The following AUTS2 variants were observed in gnomAD, a reference collection of about 807,000 sequenced individuals.
AUTS2 encodes activator of transcription and developmental regulator AUTS2.
In AUTS2, 17 loss-of-function variants were observed where a neutral mutation model predicts 112.4. The ratio of observed to expected loss-of-function variants is 0.15; its 90% confidence interval spans 0.10 to 0.23. AUTS2 has a LOEUF of 0.23. AUTS2 is among the 10% of genes least tolerant of loss of function. The pLI is 1.00. For missense variants in AUTS2, 1,510 were observed against 1,701.6 expected (o/e 0.89, Z 1.98); for synonymous variants, 751 against 702.7 (o/e 1.07, Z -1.09).
intron 5 of AUTS2, among the ~76,000 whole-genome samples, chr7:70,500,524 C>T (rs745475347): frequency 5.3e-5 from 8 of 152,142 alleles, no homozygotes; most frequent in Non-Finnish European, 1.2e-4. Context: ...TCACATGTGG[C>T]TTTCCTCAAG....
intron 13 of AUTS2, chr7:70,776,812 A>G: frequency 2.3e-6 from 1 of 444,338 alleles, no homozygotes; most frequent in Non-Finnish European, 4.1e-6. Context: ...GAGAAGAGGC[A>G]CAGAGTGGGA....
At chr7:69,725,722 A>G (rs1786477447) in intron 1 of AUTS2, among the ~76,000 whole-genome samples, 1 of 152,158 alleles carries the variant, frequency 6.6e-6, no homozygotes, top group East Asian at 1.9e-4. Context: ...AGGGGAAGGT[A>G]TGCTGGTAAA....
intron 4 of AUTS2, among the ~76,000 whole-genome samples, chr7:70,308,214 G>A (rs1309868051): frequency 6.6e-6 from 1 of 152,192 alleles, no homozygotes; most frequent in Non-Finnish European, 1.5e-5. Flanking sequence ...TGAAGGAAGA[G>A]GAAAGAGATA....
intron 2 of AUTS2, among the ~76,000 whole-genome samples, chr7:69,926,130 C>A (rs1436868444): frequency 4.6e-5 from 7 of 152,166 alleles, no homozygotes; most frequent in Admixed American, 4.6e-4. Flanking sequence ...ACGTAATTTT[C>A]TTCTGTAGTT....
chr7:69,834,194 G>A (rs1053323191), intron 1 of AUTS2, among the ~76,000 whole-genome samples: 7 of 152,078 alleles, frequency 4.6e-5, no homozygotes, highest in South Asian at 2.1e-4. Flanking sequence ...ATTGTAGGTC[G>A]TTTTCTGTGG....
intron 1 of AUTS2, among the ~76,000 whole-genome samples, chr7:69,844,013 T>C (rs948807985): frequency 5.3e-5 from 8 of 152,132 alleles, no homozygotes; most frequent in Non-Finnish European, 1.0e-4. Flanking sequence ...GTGATAGAAA[T>C]AAATAAGGAA....
At chr7:70,579,438 T>C (rs1381785720) in intron 5 of AUTS2, among the ~76,000 whole-genome samples, 1 of 152,084 alleles carries the variant, frequency 6.6e-6, no homozygotes, top group Non-Finnish European at 1.5e-5. Flanking sequence ...GGGATTCTTT[T>C]TTCTAAGCAA....
At chr7:70,175,866 C>G (rs545476362) in intron 4 of AUTS2, among the ~76,000 whole-genome samples, 1 of 152,088 alleles carries the variant, frequency 6.6e-6, no homozygotes, top group African/African-American at 2.4e-5. Flanking sequence ...ATGTTAATAA[C>G]TTAACATAAT....
intron 4 of AUTS2, among the ~76,000 whole-genome samples, chr7:70,299,486 A>G (rs145048737): frequency 0.016 from 2,433 of 152,240 alleles, 23 homozygotes; most frequent in Middle Eastern, 0.031. Context: ...CTCCTCTCTC[A>G]CAAGCTGGTG....
intron 5 of AUTS2, among the ~76,000 whole-genome samples, chr7:70,589,414 A>C (rs763833712): frequency 9.2e-5 from 14 of 152,200 alleles, no homozygotes; most frequent in Non-Finnish European, 1.9e-4. Flanking sequence ...AAAATGACCT[A>C]GAAAGAAGTG....
chr7:69,990,371 A>C (rs762431395), intron 2 of AUTS2, among the ~76,000 whole-genome samples: 1 of 152,168 alleles, frequency 6.6e-6, no homozygotes, highest in African/African-American at 2.4e-5. Flanking sequence ...AATTTTGACT[A>C]TTTGATTGGT....
chr7:70,083,470 C>A (rs1350919825), intron 2 of AUTS2, among the ~76,000 whole-genome samples: 2 of 152,166 alleles, frequency 1.3e-5, no homozygotes, highest in Non-Finnish European at 1.5e-5. Context: ...GTTGTATGCA[C>A]ACACACACTA....
At chr7:69,675,964 A>G (rs558127181) in intron 1 of AUTS2, among the ~76,000 whole-genome samples, 2 of 152,300 alleles carry the variant, frequency 1.3e-5, no homozygotes, top group Admixed American at 1.3e-4. Context: ...TTGGCAGATC[A>G]TCCATGTGCT....
intron 1 of AUTS2, among the ~76,000 whole-genome samples, chr7:69,806,236 C>T (rs918620749): frequency 2.3e-5 from 3 of 132,066 alleles, no homozygotes; most frequent in Admixed American, 8.4e-5. Flanking sequence ...TTTAAACCAG[C>T]GTCACAACCA....
At chr7:70,431,510 T>C (rs902196277) in intron 4 of AUTS2, among the ~76,000 whole-genome samples, 1 of 152,000 alleles carries the variant, frequency 6.6e-6, no homozygotes, top group Non-Finnish European at 1.5e-5. Context: ...CTCAGCCTCC[T>C]GAGTATCTGG....
intron 2 of AUTS2, among the ~76,000 whole-genome samples, chr7:70,110,859 C>T (rs920320246): frequency 2.4e-5 from 2 of 82,796 alleles, no homozygotes; most frequent in Non-Finnish European, 4.2e-5. Flanking sequence ...TTCTTTCTTT[C>T]TTTTTTTTTT....
chr7:70,123,461 G>C (rs1291615534), intron 3 of AUTS2, among the ~76,000 whole-genome samples: 1 of 151,970 alleles, frequency 6.6e-6, no homozygotes, highest in Non-Finnish European at 1.5e-5. Context: ...TCACCCAGTA[G>C]TACCCAATAG....
At chr7:69,834,798 A>G (rs1030213268) in intron 1 of AUTS2, among the ~76,000 whole-genome samples, 11 of 152,338 alleles carry the variant, frequency 7.2e-5, no homozygotes, top group South Asian at 4.1e-4. Context: ...TGAGAATCCT[A>G]TAACATTTCC....
intron 6 of AUTS2, among the ~76,000 whole-genome samples, chr7:70,727,261 G>A (rs1394680148): frequency 6.6e-6 from 1 of 152,226 alleles, no homozygotes; most frequent in Non-Finnish European, 1.5e-5. Flanking sequence ...TTGTACACAA[G>A]TGTGTTTTCA....
Sources: allele counts gnomAD v4.1 joint callset (sites outside exome capture counted in the v4.1 genomes callset), GRCh38; gene constraint gnomAD v4.1.1; transcripts MANE v1.5; gene names NCBI Gene and HGNC (gene_info 2026-07-23, HGNC 2026-07-21).